PCDHGB6: variants seen among roughly 807,000 people sequenced by gnomAD.
The protein encoded by PCDHGB6 is protocadherin gamma subfamily B, 6, also known as protocadherin gamma-B6.
In PCDHGB6, 51 loss-of-function variants were observed where a neutral mutation model predicts 59.1. The ratio of observed to expected loss-of-function variants is 0.86; its 90% CI spans 0.69 to 1.09. The LOEUF is 1.09. Among genes scored for constraint, PCDHGB6 ranks in the 50% least tolerant of loss-of-function variants. The pLI, the probability that PCDHGB6 is intolerant of heterozygous loss-of-function variation, is 0.00. For missense variants in PCDHGB6, 1,148 were observed against 1,205.1 expected, an observed-to-expected ratio of 0.95 and a Z score of 0.70; for synonymous variants, 466 against 495.1, an observed-to-expected ratio of 0.94 and a Z score of 0.78.
intron 1 of PCDHGB6, chr5:141,430,537 A>T (rs1270804825): frequency 7.8e-6 from 3 of 385,890 alleles, no homozygotes; most frequent in African/African-American, 2.1e-5. Flanking sequence ...TAGGACTCTG[A>T]GCGCCGCTGT....
At chr5:141,505,579 G>A (rs1047837546) in intron 3 of PCDHGB6, 98 bp downstream of exon 3, 6 of 1,588,858 alleles carry the variant, frequency 3.8e-6, no homozygotes, top group Non-Finnish European at 4.3e-6. Flanking sequence ...TCAAACCTGT[G>A]TAGTTTCTCC....
chr5:141,483,904 T>A (rs11750647), intron 1 of PCDHGB6, among the ~76,000 whole-genome samples: 24,531 of 151,676 alleles, frequency 0.16, 2,105 homozygotes, highest in African/African-American at 0.21. Context: ...CTCTGGTGTG[T>A]TTCCCACTCA....
intron 3 of PCDHGB6, among the ~76,000 whole-genome samples, chr5:141,507,500 A>G (rs2099861039): frequency 6.6e-6 from 1 of 152,206 alleles, no homozygotes; most frequent in Admixed American, 6.5e-5. Flanking sequence ...GAGCTGTCCC[A>G]GGTCTGGTGG....
At chr5:141,413,950 T>C (rs1448967281) in intron 1 of PCDHGB6, 1 of 1,613,264 alleles carries the variant, frequency 6.2e-7, no homozygotes. Context: ...TCCTGAGAAT[T>C]TGCCTGTGGG....
Position 141,489,079 on chromosome 5 carries a change from C to CCCCA in PCDHGB6, c.2419-5727_2419-5726insCCAC. ...CTCCCCTCCCCCCTGCCCACCCCCGCCACTCGGTGACTAAGAACTGCTGCA... is the reference window on the plus strand; with the variant it reads ...CTCCCCTCCCCCCTGCCCACCCCCGCCCCACACTCGGTGACTAAGAACTGCTGCA... On this transcript the variant is annotated intron_variant, in intron 1 of 3. Transcript: ENST00000520790. This position sits in a 1 kb window ranked among gnomAD's most constrained non-coding sequence, Gnocchi z 4.5. The CCCCA allele has an allele frequency of 9.1e-6, 3 of 329,992 alleles. No homozygotes were observed. Among genetic ancestry groups the CCCCA allele is most frequent in the African/African-American group, 2.4e-5 (1 of 41,312 alleles). The allele number at this position is 329,992 out of a possible 1,614,324, so 20.4% of individuals were successfully genotyped here.
intron 2 of PCDHGB6, among the ~76,000 whole-genome samples, chr5:141,499,209 C>G (rs1171702973): frequency 6.6e-6 from 1 of 152,096 alleles, no homozygotes; most frequent in Admixed American, 6.5e-5. Context: ...GGCTGTAACC[C>G]AGGCCCTGCC....
At chr5:141,461,830 CTT>C (rs1030113508) in intron 1 of PCDHGB6, among the ~76,000 whole-genome samples, 1 of 145,180 alleles carries the variant, frequency 6.9e-6, no homozygotes, top group Non-Finnish European at 1.5e-5. Context: ...ATTTTTTTTT[CTT>C]TTTTTTTTGA....
chr5:141,431,442 TCC>T lies in PCDHGB6; in HGVS notation c.2418+20823_2418+20824del. ...CCGGTGCGCACAGGCACCGCGCGCATCCGCGTGATGGTTCTGGATGCGAACGA... is the reference window on the plus strand; with the variant it reads ...CCGGTGCGCACAGGCACCGCGCGCATGCGTGATGGTTCTGGATGCGAACGA... On this transcript the variant is annotated intron_variant, in intron 1 of 3. Transcript: ENST00000520790. This position sits in a 1 kb window ranked among gnomAD's most constrained non-coding sequence, Gnocchi z 4.8. 1 of 1,613,746 alleles carries T rather than the reference TCC, an allele frequency of 6.2e-7. No homozygotes were observed. The highest frequency in any genetic ancestry group is 1.3e-5 in the African/African-American group (1 of 75,074).
intron 1 of PCDHGB6, among the ~76,000 whole-genome samples, chr5:141,456,033 G>A (rs1398584179): frequency 6.6e-6 from 1 of 151,884 alleles, no homozygotes; most frequent in Non-Finnish European, 1.5e-5. Flanking sequence ...GAGTAGCTGG[G>A]ACTACAGGCG....
chr5:141,476,897 A>G lies in PCDHGB6; in HGVS notation c.2419-17910A>G. ...CGTCCTGGAGGATGCACCCTCCGGC[A>G]CGCGCGTGGTACAAGTCCTTGCAAC... On this transcript the variant is annotated intron_variant, in intron 1 of 3. Coordinates refer to ENST00000520790, the MANE Select transcript of PCDHGB6 (RefSeq NM_018926.3). The surrounding 1 kb of genome is among the most constrained non-coding windows in gnomAD (Gnocchi z 7.6). 1 of 1,613,938 alleles carries G rather than the reference A, an allele frequency of 6.2e-7. No individual in the cohort carries two copies. Among genetic ancestry groups the G allele is most frequent in the Non-Finnish European group, 8.5e-7 (1 of 1,180,012 alleles).
intron 2 of PCDHGB6, among the ~76,000 whole-genome samples, chr5:141,499,670 C>T (rs1477227784): frequency 6.6e-6 from 1 of 151,412 alleles, no homozygotes; most frequent in African/African-American, 2.4e-5. Flanking sequence ...TCTTGGTCTC[C>T]ACCATCTTTA....
At chr5:141,417,954 C>A (rs2096198021) in intron 1 of PCDHGB6, 3 of 1,613,600 alleles carry the variant, frequency 1.9e-6, no homozygotes, top group South Asian at 1.1e-5. Flanking sequence ...CTGTGTGAGC[C>A]GATCCGCTAC....
At chr5:141,412,189 T>C (rs560869081) in intron 1 of PCDHGB6, 21 of 152,370 alleles carry the variant, frequency 1.4e-4, no homozygotes, top group Admixed American at 1.2e-3. Context: ...AATGCTCTGA[T>C]GAAAACAGGT....
intron 1 of PCDHGB6, chr5:141,417,894 G>A (rs751319373): frequency 1.3e-5 from 21 of 1,573,688 alleles, no homozygotes; most frequent in African/African-American, 2.7e-5. Context: ...CGCCGGGCCG[G>A]CCCGCGGCAG....
At position 141,476,379 on chromosome 5, in the gene PCDHGB6, T is replaced by TTCA. The variant is rs768549633; in HGVS notation, c.2419-18428_2419-18427insTCA. 9 of 1,614,126 alleles carry TTCA rather than the reference T, an allele frequency of 5.6e-6. No homozygotes were observed. The East Asian group carries it at 2.0e-4, about 36-fold the overall frequency. ...AACCGGGAGACCGGAGAGATGTTTG[T>TTCA]GAACGACCGTCTGGATCGAGAGGAG... On this transcript the variant is annotated intron_variant, in intron 1 of 3. Transcript: ENST00000520790. This position sits in a 1 kb window ranked among gnomAD's most constrained non-coding sequence, Gnocchi z 7.6.
chr5:141,423,755 G>GGGA, intron 1 of PCDHGB6: 3 of 512,508 alleles, frequency 5.9e-6, no homozygotes, highest in Non-Finnish European at 7.8e-6. Flanking sequence ...CTGTTTGGGG[G>GGGA]GGGGGTGGGG....
Position 141,432,326 on chromosome 5 carries a change from G to C in PCDHGB6, c.2418+21706G>C. The C allele has an allele frequency of 1.2e-6, 2 of 1,614,228 alleles. No individual in the cohort carries two copies. The highest frequency in any genetic ancestry group is 2.2e-5 in the East Asian group (1 of 44,890). On this transcript the variant is annotated intron_variant, in intron 1 of 3. Transcript: ENST00000520790. This position sits in a 1 kb window ranked among gnomAD's most constrained non-coding sequence, Gnocchi z 6.0. ...GTATGCGCTGAGCTCCTTCGACTAC[G>C]AGCAGTTCCGAGACTTGCAAGTGAA...
intron 1 of PCDHGB6, chr5:141,429,110 T>A (rs2097186231): frequency 6.6e-6 from 1 of 151,978 alleles, no homozygotes; most frequent in Non-Finnish European, 1.5e-5. Context: ...CGCCTCGGCC[T>A]CCCAAAGTGC....
intron 1 of PCDHGB6, chr5:141,430,849 G>A: frequency 6.3e-7 from 1 of 1,582,030 alleles, no homozygotes; most frequent in Non-Finnish European, 8.6e-7. Flanking sequence ...GATGCACCCA[G>A]ATACGCTATT....
Sources: gnomAD v4.1 joint callset for allele counts (sites outside exome capture counted in the v4.1 genomes callset) on GRCh38, gnomAD v4.1.1 for gene constraint, Gnocchi (gnomAD v3.1) non-coding constraint, MANE v1.5 for transcripts, NCBI Gene and HGNC (gene_info 2026-07-23, HGNC 2026-07-21) for gene names.